The following COL4A1 variants were observed in gnomAD, a reference collection of about 807,000 sequenced individuals.
COL4A1 encodes the protein collagen alpha-1(IV) chain.
A neutral mutation model predicts 216.6 loss-of-function variants in COL4A1; 40 were observed. The observed-to-expected ratio is 0.18, with a 90% CI of 0.14 to 0.24. The LOEUF (loss-of-function observed/expected upper bound fraction) is 0.24, where lower values mean the gene tolerates loss of function less well. Ranked by LOEUF, COL4A1 falls within the 10% of genes least tolerant of loss-of-function variation. The pLI, the probability that COL4A1 is intolerant of heterozygous loss-of-function variation, is 1.00. For missense variants in COL4A1, 1,628 were observed against 2,196.8 expected, an observed-to-expected ratio of 0.74 and a Z score of 5.18; for synonymous variants, 839 against 810.7, an observed-to-expected ratio of 1.03 and a Z score of -0.59.
At chr13:110,206,798 A>G in intron 14 of COL4A1, 67 bp downstream of exon 14, 4 of 1,610,558 alleles carry the variant, frequency 2.5e-6, no homozygotes, top group Admixed American at 3.3e-5. Context: ...TTAAGGTGAA[A>G]AAAACTTGAA....
chr13:110,301,592 C>CAGAT, intron 1 of COL4A1, among the ~76,000 whole-genome samples: 1 of 152,218 alleles, frequency 6.6e-6, no homozygotes, highest in East Asian at 1.9e-4. Context: ...TTTTAAAATC[C>CAGAT]AGATAGTCAA....
Position 110,155,337 on chromosome 13 carries a change from G to A in COL4A1, c.4701C>T (p.Ile1567=), listed in dbSNP as rs757699048. ...AGGACCACCCGCTGGGGCACGGTGG[G>A]ATCTGAATGGTCTGGCTGTGCACGG... ...VMAVHSQTIQ[I]PPCPSGWSSL... Residue 1567 remains isoleucine, a synonymous_variant, in exon 50 of 52, where the codon ATC becomes ATT. Coordinates refer to ENST00000375820, the MANE Select transcript of COL4A1 (RefSeq NM_001845.6). 6.2e-7 allele frequency: 1 copy of A among 1,614,190 alleles called. No homozygotes were observed. Among genetic ancestry groups the A allele is most frequent in the East Asian group, 2.2e-5 (1 of 44,878 alleles).
At chr13:110,252,858 T>C (rs1882218184) in intron 1 of COL4A1, among the ~76,000 whole-genome samples, 1 of 120,664 alleles carries the variant, frequency 8.3e-6, no homozygotes, top group Non-Finnish European at 1.7e-5. Flanking sequence ...TAAGTACGTA[T>C]GTATTACATA....
At position 110,301,203 on chromosome 13, in the gene COL4A1, A is replaced by G. The variant is rs1884476921; in HGVS notation, c.84+5741T>C. Among the ~76,000 whole-genome samples the G allele has an allele frequency of 2.0e-5, 3 of 152,220 alleles. No individual in the cohort carries two copies. In the South Asian group the frequency reaches 6.2e-4, roughly 32 times the overall value. On this transcript the variant is annotated intron_variant, in intron 1 of 51. Transcript: ENST00000375820. ...TAATACCACAGGGGTGGACAGTGTA[A>G]GCCAGCAGGCAGCTCCCTCTAGGAC...
chr13:110,291,794 A>C (rs553642367), intron 1 of COL4A1, among the ~76,000 whole-genome samples: 1 of 152,318 alleles, frequency 6.6e-6, no homozygotes, highest in African/African-American at 2.4e-5. Flanking sequence ...CGCCAGTTCC[A>C]CCATCTGCAG....
intron 6 of COL4A1, among the ~76,000 whole-genome samples, 199 bp downstream of exon 6, chr13:110,212,218 G>T (rs768380351): frequency 2.9e-4 from 44 of 152,290 alleles, no homozygotes; most frequent in Non-Finnish European, 5.6e-4. Flanking sequence ...CTACAAAAAA[G>T]AAAGGAACAA....
In COL4A1 at chr13:110,219,870, G is replaced by GTATATATATGTGTGTA. The variant is rs112601949; in HGVS notation, c.145-5856_145-5855insTACACACATATATATA. ...TGTATATATATGTATATATGTGTGT[G>GTATATATATGTGTGTA]TATATATGTATATATATGTGTGTAT... On this transcript the variant is annotated intron_variant, in intron 2 of 51. Transcript: ENST00000375820. 1.1e-3 allele frequency among the ~76,000 whole-genome samples: 116 copies of GTATATATATGTGTGTA among 103,510 alleles called. 6 individuals carry two copies. The highest frequency in any genetic ancestry group is 2.2e-3 in the East Asian group (8 of 3,636). 67.9% of individuals were successfully genotyped at this position (103,510 alleles called of 152,430 possible).
intron 1 of COL4A1, among the ~76,000 whole-genome samples, chr13:110,306,625 A>G (rs1164573703): frequency 1.3e-5 from 2 of 152,190 alleles, no homozygotes; most frequent in Non-Finnish European, 2.9e-5. Flanking sequence ...GCTGCCGAGC[A>G]TACCCGCGAC....
chr13:110,211,880 C>G lies in COL4A1; in HGVS notation c.430G>C (p.Ala144Pro), dbSNP rs778175625. 6.2e-7 allele frequency: 1 copy of G among 1,614,074 alleles called. No homozygotes were observed. Among genetic ancestry groups the G allele is most frequent in the Non-Finnish European group, 8.5e-7 (1 of 1,180,008 alleles). Reference sequence around the variant, plus strand: ...TAACCTCTACTCACGGGATTTCCAGCGAAACCAGGCAAGCCAGGAGGCCCG... The same window carrying G: ...TAACCTCTACTCACGGGATTTCCAGGGAAACCAGGCAAGCCAGGAGGCCCG... ...PLGPPGLPGF[A>P]GNPGPPGLPG... Residue 144 changes from alanine to proline, a missense_variant, in exon 7 of 52, where the codon GCT becomes CCT. By Grantham distance (27) the Ala-to-Pro change is conservative. Around this residue, in one of 8 missense-constraint regions of COL4A1, gnomAD observed 150 missense variants for 211.9 expected, o/e 0.71. Transcript: ENST00000375820. The surrounding 1 kb of genome is among the most constrained non-coding windows in gnomAD (Gnocchi z 4.3).
At chr13:110,225,147 G>A (rs763680607) in intron 2 of COL4A1, among the ~76,000 whole-genome samples, 2 of 152,106 alleles carry the variant, frequency 1.3e-5, no homozygotes, top group African/African-American at 4.8e-5. Flanking sequence ...TAGTCCCTGC[G>A]GTTCCCTTGC....
chr13:110,154,995 C>G (rs1424919490), intron 50 of COL4A1, among the ~76,000 whole-genome samples: 1 of 152,194 alleles, frequency 6.6e-6, no homozygotes, highest in Non-Finnish European at 1.5e-5. Context: ...AGTGGAGCAG[C>G]CACAGGGAAG....
chr13:110,300,936 G>A (rs1884467221), intron 1 of COL4A1, among the ~76,000 whole-genome samples: 1 of 152,206 alleles, frequency 6.6e-6, no homozygotes, highest in Admixed American at 6.5e-5. Flanking sequence ...GTACCTTAAA[G>A]ATCAAGTGAG....
intron 1 of COL4A1, among the ~76,000 whole-genome samples, chr13:110,293,937 G>A (rs1173248435): frequency 6.6e-6 from 1 of 152,160 alleles, no homozygotes; most frequent in East Asian, 1.9e-4. Context: ...TCATGTTTCT[G>A]ATTCATTTAT....
At chr13:110,241,811 T>TA (rs1457070553) in intron 2 of COL4A1, among the ~76,000 whole-genome samples, 1 of 152,202 alleles carries the variant, frequency 6.6e-6, no homozygotes, top group Non-Finnish European at 1.5e-5. Flanking sequence ...TGTGGCCCCA[T>TA]AAAACCTCTG....
chr13:110,230,249 G>T (rs1016409458), intron 2 of COL4A1, among the ~76,000 whole-genome samples: 1 of 151,998 alleles, frequency 6.6e-6, no homozygotes, highest in African/African-American at 2.4e-5. Flanking sequence ...ATGTATGTGT[G>T]TGTGGTGTGT....
intron 1 of COL4A1, among the ~76,000 whole-genome samples, chr13:110,244,768 C>T (rs929971235): frequency 6.6e-6 from 1 of 152,144 alleles, no homozygotes; most frequent in Non-Finnish European, 1.5e-5. Flanking sequence ...ACAGCTCACA[C>T]CAGGCTCCCG....
rs758192426 is a variant in COL4A1, at chr13:110,161,243, G to C, written c.4589C>G (p.Pro1530Arg). Residue 1530 changes from proline (P) to arginine (R), a missense_variant, in exon 49 of 52, where the codon CCC (proline) becomes CGC (arginine). Transcript: ENST00000375820. ...CCCCGTGATGGGTGCCATTGACATG[G>C]GCATGGGCTCAGGGGTGGACAGCCA... ...SYWLSTPEPM[P>R]MSMAPITGEN... The C allele has an allele frequency of 1.2e-6, 2 of 1,614,100 alleles. No homozygotes were observed. The highest frequency in any genetic ancestry group is 1.3e-5 in the African/African-American group (1 of 74,926).
chr13:110,205,823 A>G (rs1309104533), intron 15 of COL4A1, among the ~76,000 whole-genome samples: 1 of 152,020 alleles, frequency 6.6e-6, no homozygotes, highest in Non-Finnish European at 1.5e-5. Flanking sequence ...AGATCACACC[A>G]TTGCACTCCA....
At chr13:110,222,570 G>C (rs1376425696) in intron 2 of COL4A1, among the ~76,000 whole-genome samples, 1 of 149,658 alleles carries the variant, frequency 6.7e-6, no homozygotes, top group East Asian at 1.9e-4. Flanking sequence ...TCAGGAGATC[G>C]AGACCATCCT....
Sources: allele counts gnomAD v4.1 joint callset (sites outside exome capture counted in the v4.1 genomes callset), GRCh38; gene constraint gnomAD v4.1.1; regional missense constraint gnomAD v4.1.1; non-coding constraint Gnocchi (gnomAD v3.1); transcripts MANE v1.5; gene names NCBI Gene and HGNC (gene_info 2026-07-23, HGNC 2026-07-21).